The following UBASH3B variants were observed in gnomAD, a reference collection of about 807,000 sequenced individuals.
The protein encoded by UBASH3B is ubiquitin-associated and SH3 domain-containing protein B.
A neutral mutation model predicts 83.4 loss-of-function variants in UBASH3B; 37 were observed. The ratio of observed to expected loss-of-function variants is 0.44; its 90% CI spans 0.34 to 0.58. UBASH3B has a LOEUF of 0.58. Among genes scored for constraint, UBASH3B ranks in the 20% least tolerant of loss-of-function variants. The probability of loss-of-function intolerance (pLI) is 0.01; values close to 1 mark genes in which losing one functional copy is unlikely to be tolerated. For synonymous variants in UBASH3B, 304 were observed against 318.3 expected, an observed-to-expected ratio of 0.96 and a Z score of 0.48; for missense variants, 657 against 827.2, an observed-to-expected ratio of 0.79 and a Z score of 2.52.
chr11:122,761,243 C>A (rs1861366309), intron 1 of UBASH3B, among the ~76,000 whole-genome samples: 1 of 152,162 alleles, frequency 6.6e-6, no homozygotes, highest in South Asian at 2.1e-4. Context: ...CTTAGTTATC[C>A]AAGTCCGTGA....
At chr11:122,737,825 G>A (rs745559730) in intron 1 of UBASH3B, among the ~76,000 whole-genome samples, 27 of 152,128 alleles carry the variant, frequency 1.8e-4, no homozygotes, top group Non-Finnish European at 3.7e-4. Context: ...AAACTGGAGG[G>A]ACCTGGAGAC....
At chr11:122,682,261 C>A (rs146296939) in intron 1 of UBASH3B, among the ~76,000 whole-genome samples, 1 of 152,146 alleles carries the variant, frequency 6.6e-6, no homozygotes, top group Admixed American at 6.5e-5. Flanking sequence ...TACAACGGAG[C>A]CACCAACAGA....
At chr11:122,717,391 A>G (rs1040885541) in intron 1 of UBASH3B, among the ~76,000 whole-genome samples, 2 of 152,194 alleles carry the variant, frequency 1.3e-5, no homozygotes, top group African/African-American at 4.8e-5. Context: ...AATATAGCAG[A>G]CCTGCAGTAG....
At position 122,794,757 on chromosome 11, in the gene UBASH3B, G is replaced by A. The variant is rs770947610; in HGVS notation, c.1036G>A (p.Val346Ile). 3.1e-6 allele frequency: 5 copies of A among 1,614,036 alleles called. No individual in the cohort carries two copies. The highest frequency in any genetic ancestry group is 4.2e-6 in the Non-Finnish European group (5 of 1,180,038). Residue 346 changes from valine (V) to isoleucine (I), a missense_variant, in exon 7 of 14, where the codon GTA becomes ATA. Coordinates refer to ENST00000284273, the MANE Select transcript of UBASH3B (RefSeq NM_032873.5). ...CAACTCTCTCACGTTTGGGGATGGA[G>A]TATTGGAGAGGCGGCCTTATGAGGA... ...SSNSLTFGDGVLERRPYEDQG... is the reference protein window; with the variant it reads ...SSNSLTFGDGILERRPYEDQG...
At chr11:122,666,362 G>T (rs1483618755) in intron 1 of UBASH3B, among the ~76,000 whole-genome samples, 1 of 152,112 alleles carries the variant, frequency 6.6e-6, no homozygotes, top group Non-Finnish European at 1.5e-5. Context: ...AGGGTCGCTG[G>T]AGTTCTCAAC....
At chr11:122,687,745 T>TC (rs2135915434) in intron 1 of UBASH3B, among the ~76,000 whole-genome samples, 1 of 152,176 alleles carries the variant, frequency 6.6e-6, no homozygotes, top group African/African-American at 2.4e-5. Context: ...CCTCTGCATT[T>TC]CCCCCACCAC....
chr11:122,764,245 A>G (rs910027095), intron 1 of UBASH3B, among the ~76,000 whole-genome samples: 9 of 152,348 alleles, frequency 5.9e-5, no homozygotes, highest in African/African-American at 2.2e-4. Context: ...ATAAGGAGAA[A>G]TAGGCAGGAT....
In UBASH3B at chr11:122,694,954, C is replaced by CTTTTTTTTTTT. The variant is rs71054088; in HGVS notation, c.161+38761_161+38771dup. 3.1e-3 allele frequency among the ~76,000 whole-genome samples: 155 copies of CTTTTTTTTTTT among 50,426 alleles called. 16 individuals carry two copies. Among genetic ancestry groups the CTTTTTTTTTTT allele is most frequent in the Non-Finnish European group, 4.0e-3 (112 of 28,042 alleles). The allele number at this position is 50,426 out of a possible 152,430, so 33.1% of individuals were successfully genotyped here. A position where few individuals can be genotyped will look rare whatever the true frequency, so the allele number is the denominator to read the frequency against. Reference sequence around the variant, plus strand: ...TATTTATTTTTCTTTTCTTTTCTTTCTTTTTTTTTTTTTTTTTTTTTTTTT... The same window carrying CTTTTTTTTTTT: ...TATTTATTTTTCTTTTCTTTTCTTTCTTTTTTTTTTTTTTTTTTTTTTTTTTTTTTTTTTTT... On this transcript the variant is annotated intron_variant, in intron 1 of 13. Transcript: ENST00000284273.
At chr11:122,747,728 G>C (rs932154153) in intron 1 of UBASH3B, among the ~76,000 whole-genome samples, 2 of 152,290 alleles carry the variant, frequency 1.3e-5, no homozygotes, top group East Asian at 3.9e-4. Flanking sequence ...GAAAATATTA[G>C]AGCTGTTCTA....
chr11:122,721,751 T>G (rs1860642908), intron 1 of UBASH3B, among the ~76,000 whole-genome samples: 1 of 152,238 alleles, frequency 6.6e-6, no homozygotes, highest in African/African-American at 2.4e-5. Flanking sequence ...GGTTGCTCAC[T>G]TTTAACCCTT....
chr11:122,804,620 T>C (rs994344736), intron 11 of UBASH3B, among the ~76,000 whole-genome samples: 2 of 152,154 alleles, frequency 1.3e-5, no homozygotes, highest in Non-Finnish European at 2.9e-5. Flanking sequence ...TATGAAAGCA[T>C]TGCTGGGAGG....
chr11:122,681,797 G>A (rs1009494658), intron 1 of UBASH3B, among the ~76,000 whole-genome samples: 15 of 152,196 alleles, frequency 9.9e-5, no homozygotes, highest in Non-Finnish European at 2.2e-4. Flanking sequence ...CTTCTATTTG[G>A]AGGCTGGTAG....
In UBASH3B at chr11:122,806,457, C is replaced by G; in HGVS notation, c.1643C>G (p.Thr548Ser). The change falls in exon 12 of 14, where the codon ACT becomes AGT. Residue 548 changes from threonine to serine, a missense_variant. By Grantham distance (58) the Thr-to-Ser change is moderately conservative (BLOSUM62 1). This residue lies in a region of UBASH3B where 573 missense variants were observed against 739.0 expected (regional missense o/e 0.78). Coordinates refer to ENST00000284273, the MANE Select transcript of UBASH3B (RefSeq NM_032873.5). The surrounding 1 kb of genome is among the most constrained non-coding windows in gnomAD (Gnocchi z 4.0). ...SKLVVSESYD[T>S]YISRSFQVTK... is the part of the protein sequence containing the mutation. ...TTAGTTGTTTCAGAATCCTATGATA[C>G]TTATATCAGTAGAAGTTTCCAAGTA... 3 of 1,606,164 alleles carry G rather than the reference C, an allele frequency of 1.9e-6. No homozygotes were observed. The highest frequency in any genetic ancestry group is 2.5e-6 in the Non-Finnish European group (3 of 1,177,470).
chr11:122,728,612 A>G (rs1411762539), intron 1 of UBASH3B, among the ~76,000 whole-genome samples: 1 of 152,214 alleles, frequency 6.6e-6, no homozygotes, highest in African/African-American at 2.4e-5. Flanking sequence ...CCCCAGCCTA[A>G]CATGGTGTTT....
intron 9 of UBASH3B, chr11:122,797,273 G>A (rs553038529): frequency 2.2e-5 from 9 of 412,252 alleles, no homozygotes; most frequent in East Asian, 1.0e-4. Flanking sequence ...CAGTAATGGC[G>A]TGGGTTACTG....
rs1160703282 is a variant in UBASH3B at position 122,791,685 on chromosome 11, G to A, written c.980+2377G>A. Reference sequence around the variant, plus strand: ...TCCTAACCCAAGAGAGACATCAGGAGGTAGAGCCCCAGGGGGATGTCAAGC... The same window carrying A: ...TCCTAACCCAAGAGAGACATCAGGAAGTAGAGCCCCAGGGGGATGTCAAGC... On this transcript the variant is annotated intron_variant, in intron 6 of 13. Coordinates refer to ENST00000284273, the MANE Select transcript of UBASH3B (RefSeq NM_032873.5). 2.6e-5 allele frequency among the ~76,000 whole-genome samples: 4 copies of A among 152,206 alleles called. No homozygotes were observed. In the East Asian group the frequency reaches 7.7e-4, roughly 29 times the overall value.
At chr11:122,779,450 C>T in intron 3 of UBASH3B, 47 bp from the exon 4 acceptor site, 2 of 1,605,540 alleles carry the variant, frequency 1.2e-6, no homozygotes, top group Non-Finnish European at 8.5e-7. Context: ...CAGCAGACTT[C>T]CATCTCCCCT....
chr11:122,685,799 C>T (rs559044332), intron 1 of UBASH3B, among the ~76,000 whole-genome samples: 3 of 152,338 alleles, frequency 2.0e-5, no homozygotes, highest in Admixed American at 1.3e-4. Context: ...GGATTACAGG[C>T]GTGAGCTACC....
At position 122,655,851 on chromosome 11, in the gene UBASH3B, G is replaced by C; in HGVS notation, c.-199G>C. On this transcript the variant is annotated 5_prime_UTR_variant, in exon 1 of 14. Transcript: ENST00000284273. ...GCTGGTCCCGCAGCGGCCGCTTGCC[G>C]GCGTTCTGGCTCCTGTGGCCTCACC... 8 of 558,904 alleles carry C rather than the reference G, an allele frequency of 1.4e-5. 1 individual carries two copies. The South Asian group carries it at 2.5e-4, about 17-fold the overall frequency. The allele number at this position is 558,904 out of a possible 1,614,324, so 34.6% of individuals were successfully genotyped here. A position where few individuals can be genotyped will look rare whatever the true frequency, so the allele number is the denominator to read the frequency against.
Sources: gnomAD v4.1 joint callset for allele counts (sites outside exome capture counted in the v4.1 genomes callset) on GRCh38, gnomAD v4.1.1 for gene constraint, gnomAD v4.1.1 regional missense constraint, Gnocchi (gnomAD v3.1) non-coding constraint, MANE v1.5 for transcripts, NCBI Gene and HGNC (gene_info 2026-07-23, HGNC 2026-07-21) for gene names.